The following CNGB1 variants were observed in gnomAD, a reference collection of about 807,000 sequenced individuals.
The protein encoded by CNGB1 is cyclic nucleotide-gated channel beta-1.
Under a neutral mutation model 151.7 loss-of-function variants are expected in CNGB1, and 126 were observed. The ratio of observed to expected loss-of-function variants is 0.83; its 90% CI spans 0.72 to 0.96. The LOEUF (loss-of-function observed/expected upper bound fraction) is 0.96. Among genes scored for constraint, CNGB1 ranks in the 40% least tolerant of loss-of-function variants. The pLI, the probability that CNGB1 is intolerant of heterozygous loss-of-function variation, is 0.00. For synonymous variants in CNGB1, 623 were observed against 635.1 expected (o/e 0.98, Z 0.29); for missense variants, 1,698 against 1,627.0 (o/e 1.04, Z -0.75).
At chr16:57,948,739 C>G (rs1353596492) in intron 14 of CNGB1, among the ~76,000 whole-genome samples, 1 of 152,190 alleles carries the variant, frequency 6.6e-6, no homozygotes, top group Admixed American at 6.5e-5. Flanking sequence ...CTTCCCCATG[C>G]ATATCCCCCT....
intron 1 of CNGB1, among the ~76,000 whole-genome samples, chr16:57,970,177 C>T (rs79916533): frequency 0.017 from 2,619 of 152,298 alleles, 52 homozygotes; most frequent in African/African-American, 0.049. Context: ...CCAGACATGA[C>T]CCCTCTGGTC....
intron 17 of CNGB1, among the ~76,000 whole-genome samples, chr16:57,927,659 T>C (rs1961226303): frequency 1.3e-5 from 2 of 152,164 alleles, no homozygotes; most frequent in African/African-American, 2.4e-5. Flanking sequence ...AAGAGGAGCC[T>C]CACAGGCCCA....
intron 16 of CNGB1, among the ~76,000 whole-genome samples, chr16:57,937,769 C>T (rs1196923859): frequency 1.3e-5 from 2 of 152,242 alleles, no homozygotes; most frequent in East Asian, 3.8e-4. Context: ...GAAGCAGTAA[C>T]TCTTCCTATG....
chr16:57,892,395 G>A (rs571026670), intron 31 of CNGB1, among the ~76,000 whole-genome samples: 3 of 152,300 alleles, frequency 2.0e-5, no homozygotes, highest in Admixed American at 2.0e-4. Flanking sequence ...GGAACGTGGG[G>A]AGATTTTCTG....
chr16:57,939,408 T>TCAC (rs751490125), intron 16 of CNGB1, 22 bp downstream of exon 16: 1 of 1,613,066 alleles, frequency 6.2e-7, no homozygotes, highest in African/African-American at 1.3e-5. Flanking sequence ...GCGCAACCCA[T>TCAC]CACCACCACC....
At chr16:57,938,037 G>A (rs573310942) in intron 16 of CNGB1, among the ~76,000 whole-genome samples, 27 of 152,342 alleles carry the variant, frequency 1.8e-4, no homozygotes, top group African/African-American at 5.5e-4. Flanking sequence ...GATTTAGCAG[G>A]TCTGGATCGC....
At chr16:57,958,923 T>A (rs1441381531) in intron 10 of CNGB1, among the ~76,000 whole-genome samples, 2 of 37,130 alleles carry the variant, frequency 5.4e-5, no homozygotes, top group Non-Finnish European at 1.8e-4. Flanking sequence ...ATGCCCAGCT[T>A]TTTTTTTTTT....
chr16:57,888,012 CG>C lies in CNGB1; in HGVS notation c.3304del (p.Arg1102GlyfsTer14). On this transcript the variant is annotated frameshift_variant, in exon 32 of 33. Coordinates refer to ENST00000251102, the MANE Select transcript of CNGB1 (RefSeq NM_001297.5). LOFTEE classifies it high-confidence loss of function. Reference protein sequence around the residue: ...EEKSVLILPPRAGTPKLFNAA... With the variant: ...EEKSVLILPPXAGTPKLFNAA... ...GTTGAAGAGCTTTGGGGTGCCCGCCCGGGGTGGAAGGATCAGCACGCTCTTC... is the reference window on the plus strand; with the variant it reads ...GTTGAAGAGCTTTGGGGTGCCCGCCCGGGTGGAAGGATCAGCACGCTCTTC... 6.2e-7 allele frequency: 1 copy of C among 1,614,128 alleles called. No individual in the cohort carries two copies. The highest frequency in any genetic ancestry group is 8.5e-7 in the Non-Finnish European group (1 of 1,180,014).
intron 14 of CNGB1, among the ~76,000 whole-genome samples, chr16:57,948,126 C>T (rs775738434): frequency 3.9e-5 from 6 of 152,140 alleles, no homozygotes; most frequent in Non-Finnish European, 1.5e-5. Context: ...GAGAGAGTAA[C>T]TTACTGTCAC....
At chr16:57,924,231 A>C (rs1386568056) in intron 17 of CNGB1, among the ~76,000 whole-genome samples, 1 of 152,182 alleles carries the variant, frequency 6.6e-6, no homozygotes, top group Non-Finnish European at 1.5e-5. Context: ...CCCAGCAGAG[A>C]GAATGAATTG....
In CNGB1 at chr16:57,897,856, C is replaced by A; in HGVS notation, c.3035G>T (p.Gly1012Val). 4.3e-6 allele frequency: 7 copies of A among 1,614,216 alleles called. No homozygotes were observed. The highest frequency in any genetic ancestry group is 5.1e-6 in the Non-Finnish European group (6 of 1,180,038). ...IQAGQVQVLG[G>V]PDGKSVLVTL... ...CACCAGCACAGATTTCCCATCAGGGCCGCCCAAGACCTGCACTTGCCCTGC... is the reference window on the plus strand; with the variant it reads ...CACCAGCACAGATTTCCCATCAGGGACGCCCAAGACCTGCACTTGCCCTGC... Residue 1012 changes from glycine to valine, a missense_variant, in exon 30 of 33, where the codon GGC (glycine) becomes GTC (valine). By Grantham distance (109) the Gly-to-Val change is moderately radical (BLOSUM62 -3). Coordinates refer to ENST00000251102, the MANE Select transcript of CNGB1 (RefSeq NM_001297.5).
In CNGB1 at chr16:57,888,060, C is replaced by G; in HGVS notation, c.3257G>C (p.Ser1086Thr). ...LRKKARRMLRSNNKPKEEKSV... is the reference protein window; with the variant it reads ...LRKKARRMLRTNNKPKEEKSV... ...CTTCTCCTCCTTGGGCTTATTGTTG[C>G]TTCTCAGCATGCGCCTGGAAGAAAG... The change falls in exon 32 of 33, where the codon AGC becomes ACC. Residue 1086 changes from serine (S) to threonine (T), a missense_variant. Coordinates refer to ENST00000251102, the MANE Select transcript of CNGB1 (RefSeq NM_001297.5). 1.9e-6 allele frequency: 3 copies of G among 1,613,990 alleles called. No individual in the cohort carries two copies. The highest frequency in any genetic ancestry group is 2.5e-6 in the Non-Finnish European group (3 of 1,180,040).
In CNGB1 at chr16:57,931,858, G is replaced by C. The variant is rs1238008286; in HGVS notation, c.1393C>G (p.Pro465Ala). ...TCAGTATCTTCCACCTGCACTTCTG[G>C]GTGCTGTTTCGTGGCAGGCACTGGG... is the stretch of plus-strand genomic sequence containing the variant. Reference protein sequence around the residue: ...SSGVPATKQHPEVQVEDTDAD... With the variant: ...SSGVPATKQHAEVQVEDTDAD... Residue 465 changes from proline to alanine, a missense_variant, in exon 17 of 33, where the codon CCA becomes GCA. Pro to Ala is a conservative substitution (Grantham distance 27). Coordinates refer to ENST00000251102, the MANE Select transcript of CNGB1 (RefSeq NM_001297.5). 6.2e-7 allele frequency: 1 copy of C among 1,614,098 alleles called. No homozygotes were observed. The highest frequency in any genetic ancestry group is 2.2e-5 in the East Asian group (1 of 44,878).
chr16:57,901,615 C>T lies in CNGB1; in HGVS notation c.2805G>A (p.Glu935=). 6.2e-7 allele frequency: 1 copy of T among 1,613,922 alleles called. No individual in the cohort carries two copies. The highest frequency in any genetic ancestry group is 8.5e-7 in the Non-Finnish European group (1 of 1,179,988). ...TCTTGTCTGGAAGCTGCACCATCAGCTCTGACTCATCTGTGAACAAGGCCT... is the reference window on the plus strand; with the variant it reads ...TCTTGTCTGGAAGCTGCACCATCAGTTCTGACTCATCTGTGAACAAGGCCT... ...WHSQGMLDES[E]LMVQLPDKMR... Residue 935 remains glutamate, a synonymous_variant, in exon 28 of 33, where the codon GAG becomes GAA. Transcript: ENST00000251102.
chr16:57,934,679 G>A (rs957928597), intron 16 of CNGB1, among the ~76,000 whole-genome samples: 9 of 151,736 alleles, frequency 5.9e-5, no homozygotes, highest in African/African-American at 1.5e-4. Context: ...ACTCCTGGTC[G>A]GGCGCAGCAG....
intron 23 of CNGB1, among the ~76,000 whole-genome samples, chr16:57,914,803 G>A (rs1227415829): frequency 2.0e-5 from 3 of 152,148 alleles, no homozygotes; most frequent in African/African-American, 4.8e-5. Flanking sequence ...TTGCTCCTGC[G>A]ACCTAGGGCA....
At position 57,960,877 on chromosome 16, in the gene CNGB1, A is replaced by T. The variant is rs1962236015; in HGVS notation, c.497T>A (p.Leu166Gln). 1 of 1,614,048 alleles carries T rather than the reference A, an allele frequency of 6.2e-7. No homozygotes were observed. Among genetic ancestry groups the T allele is most frequent in the African/African-American group, 1.3e-5 (1 of 75,014 alleles). The change falls in exon 8 of 33, where the codon CTG (leucine) becomes CAG (glutamine). Residue 166 changes from leucine (L) to glutamine (Q), a missense_variant. Physicochemically the swap from Leu to Gln is moderately radical, Grantham distance 113. Coordinates refer to ENST00000251102, the MANE Select transcript of CNGB1 (RefSeq NM_001297.5). ...LRLLLWLEQN[L>Q]ERVLPQPPKS... Reference sequence around the variant, plus strand: ...GGGGGGCTGAGGAAGCACTCTTTCCAGATTCTGCTCCAGCCACAGAAGCAG... The same window carrying T: ...GGGGGGCTGAGGAAGCACTCTTTCCTGATTCTGCTCCAGCCACAGAAGCAG...
At chr16:57,948,827 C>A (rs1035672142) in intron 14 of CNGB1, among the ~76,000 whole-genome samples, 1 of 152,138 alleles carries the variant, frequency 6.6e-6, no homozygotes, top group East Asian at 1.9e-4. Context: ...CTGAACTCTT[C>A]TGTGTGTTTA....
intron 24 of CNGB1, among the ~76,000 whole-genome samples, chr16:57,912,174 G>A (rs67957317): frequency 0.12 from 18,251 of 151,994 alleles, 2,698 homozygotes; most frequent in African/African-American, 0.35. Flanking sequence ...AGTTGAAGAT[G>A]GGGCCATGTC....
Sources: gnomAD v4.1 joint callset for allele counts (sites outside exome capture counted in the v4.1 genomes callset) on GRCh38, gnomAD v4.1.1 for gene constraint, MANE v1.5 for transcripts, NCBI Gene and HGNC (gene_info 2026-07-23, HGNC 2026-07-21) for gene names.